CAMSAP2: variants seen among roughly 807,000 people sequenced by gnomAD.
CAMSAP2 encodes the protein calmodulin regulated spectrin associated protein family member 2, also known as calmodulin-regulated spectrin-associated protein 2.
A neutral mutation model predicts 146.1 loss-of-function variants in CAMSAP2; 26 were observed. The ratio of observed to expected loss-of-function variants is 0.18; its 90% confidence interval spans 0.13 to 0.25. The LOEUF (loss-of-function observed/expected upper bound fraction) is 0.25, where lower values mean the gene tolerates loss of function less well. Ranked by LOEUF, CAMSAP2 falls within the 10% of genes least tolerant of loss-of-function variation. CAMSAP2 has a pLI of 1.00. For synonymous variants in CAMSAP2, 499 were observed against 596.6 expected (o/e 0.84, Z 2.38); for missense variants, 1,381 against 1,759.3 (o/e 0.78, Z 3.85).
At chr1:200,770,785 A>G (rs1260450359) in intron 2 of CAMSAP2, among the ~76,000 whole-genome samples, 1 of 152,218 alleles carries the variant, frequency 6.6e-6, no homozygotes, top group Non-Finnish European at 1.5e-5. Flanking sequence ...GATAATAACC[A>G]GAGAAGGCAA....
intron 2 of CAMSAP2, among the ~76,000 whole-genome samples, chr1:200,791,125 G>A (rs947636261): frequency 2.5e-4 from 38 of 152,162 alleles, no homozygotes; most frequent in African/African-American, 8.9e-4. Context: ...GATTACAGGC[G>A]TGAGCCACTG....
chr1:200,740,772 A>T (rs1463049880), intron 1 of CAMSAP2, among the ~76,000 whole-genome samples: 1 of 152,200 alleles, frequency 6.6e-6, no homozygotes, highest in Admixed American at 6.5e-5. Context: ...TTTGCAAAAT[A>T]ACAGGAAAAG....
At chr1:200,815,919 G>A (rs1666470238) in intron 4 of CAMSAP2, among the ~76,000 whole-genome samples, 1 of 152,160 alleles carries the variant, frequency 6.6e-6, no homozygotes, top group South Asian at 2.1e-4. Flanking sequence ...TTGGTAAAAT[G>A]TGTAAAACAA....
rs200066254 is a variant in CAMSAP2, at chr1:200,850,246, A to T, written c.3465+12A>T. On this transcript the variant is annotated intron_variant, in intron 11 of 16. Transcript: ENST00000358823. ...GATTCTTTTTTAAGGTGTAGTATTAATCTGCATAGTTTTGGGCATCTTCAT... is the reference window on the plus strand; with the variant it reads ...GATTCTTTTTTAAGGTGTAGTATTATTCTGCATAGTTTTGGGCATCTTCAT... The T allele has an allele frequency of 1.3e-6, 2 of 1,544,228 alleles. No individual in the cohort carries two copies. The highest frequency in any genetic ancestry group is 4.5e-5 in the East Asian group (2 of 44,368).
At chr1:200,855,639 C>T (rs1171986004) in intron 14 of CAMSAP2, among the ~76,000 whole-genome samples, 2 of 151,904 alleles carry the variant, frequency 1.3e-5, no homozygotes, top group African/African-American at 2.4e-5. Context: ...CTCCATTGCC[C>T]AGGCTAGAGT....
At chr1:200,765,536 A>G (rs1368922250) in intron 2 of CAMSAP2, among the ~76,000 whole-genome samples, 1 of 152,010 alleles carries the variant, frequency 6.6e-6, no homozygotes, top group Non-Finnish European at 1.5e-5. Context: ...GCCATATGTT[A>G]TGTTCTATGT....
At chr1:200,833,632 A>G (rs967117812) in intron 6 of CAMSAP2, among the ~76,000 whole-genome samples, 1 of 152,218 alleles carries the variant, frequency 6.6e-6, no homozygotes, top group Non-Finnish European at 1.5e-5. Flanking sequence ...AGAATAAGCC[A>G]TTAAATGTTT....
At chr1:200,813,795 T>A (rs1352554753) in intron 3 of CAMSAP2, among the ~76,000 whole-genome samples, 3 of 152,046 alleles carry the variant, frequency 2.0e-5, no homozygotes, top group Non-Finnish European at 2.9e-5. Flanking sequence ...AAAGTGTTTG[T>A]TTTTTAACTT....
Position 200,857,611 on chromosome 1 carries a change from C to A in CAMSAP2, c.4132-143C>A. ...GGAAGCCTGCAGATTTTATTAAAGA[C>A]TAGCAATAGGCTTTAAGATTTGTCA... On this transcript the variant is annotated intron_variant, in intron 16 of 16. Transcript: ENST00000358823. The surrounding 1 kb of genome is among the most constrained non-coding windows in gnomAD (Gnocchi z 4.7). The A allele has an allele frequency of 1.2e-6, 1 of 851,482 alleles. No homozygotes were observed. Among genetic ancestry groups the A allele is most frequent in the Non-Finnish European group, 1.8e-6 (1 of 560,380 alleles). The allele number at this position is 851,482 out of a possible 1,614,324, so 52.7% of individuals were successfully genotyped here. A position where few individuals can be genotyped will look rare whatever the true frequency, so the allele number is the denominator to read the frequency against.
Position 200,856,103 on chromosome 1 carries a change from G to C in CAMSAP2, c.3990G>C (p.Val1330=). Residue 1330 remains valine, a synonymous_variant, in exon 15 of 17, where the codon GTG becomes GTC. Coordinates refer to ENST00000358823, the MANE Select transcript of CAMSAP2 (RefSeq NM_203459.4). ...DWENASTTSS[V]ASGTEYTGPK... ...AGAATGCATCAACAACTTCTTCAGT[G>C]GCTTCTGGAACAGAATATACAGGTT... 6.2e-7 allele frequency: 1 copy of C among 1,612,014 alleles called. No individual in the cohort carries two copies. Among genetic ancestry groups the C allele is most frequent in the Non-Finnish European group, 8.5e-7 (1 of 1,178,156 alleles).
At chr1:200,767,532 A>G (rs1664989474) in intron 2 of CAMSAP2, among the ~76,000 whole-genome samples, 1 of 145,478 alleles carries the variant, frequency 6.9e-6, no homozygotes, top group Non-Finnish European at 1.5e-5. Flanking sequence ...ATGCTTAGGA[A>G]TTTCCATTGT....
intron 1 of CAMSAP2, among the ~76,000 whole-genome samples, chr1:200,753,835 C>T (rs1420980897): frequency 6.6e-6 from 1 of 152,230 alleles, no homozygotes; most frequent in Non-Finnish European, 1.5e-5. Context: ...CCAGTTGTCT[C>T]TCTGTCAGCA....
chr1:200,822,169 C>CACACACGT (rs984194159), intron 4 of CAMSAP2, among the ~76,000 whole-genome samples: 2 of 151,282 alleles, frequency 1.3e-5, no homozygotes, highest in African/African-American at 4.9e-5. Context: ...CACACACACA[C>CACACACGT]ACACACGTAA....
In CAMSAP2 at chr1:200,738,940, A is replaced by AGCG. The variant is rs537301220; in HGVS notation, c.-873_-871dup. 6.0e-5 allele frequency among the ~76,000 whole-genome samples: 9 copies of AGCG among 149,012 alleles called. No individual in the cohort carries two copies. Among genetic ancestry groups the AGCG allele is most frequent in the Non-Finnish European group, 8.9e-5 (6 of 67,558 alleles). On this transcript the variant is annotated 5_prime_UTR_variant, in exon 1 of 17. Transcript: ENST00000358823. ...TCCAGTGCCGCAGCCGGAAAACCGC[A>AGCG]GCGGCGGCGGCGGCGGCTGAGGGGG... is the stretch of plus-strand genomic sequence containing the variant.
intron 4 of CAMSAP2, among the ~76,000 whole-genome samples, chr1:200,816,486 C>T (rs150282192): frequency 0.03 from 4,131 of 139,092 alleles, 173 homozygotes; most frequent in African/African-American, 0.094. Flanking sequence ...CCCAGCTACT[C>T]GGGAGACAGA....
chr1:200,807,447 A>G lies in CAMSAP2; in HGVS notation c.471A>G (p.Val157=), dbSNP rs144271144. The change falls in exon 3 of 17, where the codon GTA becomes GTG. Residue 157 remains valine (V), a synonymous_variant. Coordinates refer to ENST00000358823, the MANE Select transcript of CAMSAP2 (RefSeq NM_203459.4). The stretch of plus-strand genomic sequence containing the variant: ...TAGAAATGGTCAGTATAGAAAAAGT[A>G]ATTGCGTGTGCTCAGCAGTATTCAG... ...YTVEMVSIEK[V]IACAQQYSAF... The G allele has an allele frequency of 1.1e-5, 17 of 1,605,112 alleles. No homozygotes were observed. Among genetic ancestry groups the G allele is most frequent in the Non-Finnish European group, 1.4e-5 (17 of 1,174,088 alleles).
At chr1:200,751,910 C>T (rs1001563315) in intron 1 of CAMSAP2, among the ~76,000 whole-genome samples, 8 of 152,144 alleles carry the variant, frequency 5.3e-5, no homozygotes, top group Non-Finnish European at 7.3e-5. Flanking sequence ...AACTGAGCCT[C>T]AGTTGACTCA....
intron 1 of CAMSAP2, among the ~76,000 whole-genome samples, chr1:200,752,747 G>A (rs989053763): frequency 6.6e-6 from 1 of 151,866 alleles, no homozygotes; most frequent in African/African-American, 2.4e-5. Flanking sequence ...CTCCCAAGTA[G>A]CTGGGACTAC....
intron 2 of CAMSAP2, among the ~76,000 whole-genome samples, chr1:200,791,477 A>G (rs567775160): frequency 1.3e-5 from 2 of 152,196 alleles, no homozygotes. Flanking sequence ...TTTAGACTCC[A>G]TTTGTATAAC....
Sources: gnomAD v4.1 joint callset for allele counts (sites outside exome capture counted in the v4.1 genomes callset) on GRCh38, gnomAD v4.1.1 for gene constraint, Gnocchi (gnomAD v3.1) non-coding constraint, MANE v1.5 for transcripts, NCBI Gene and HGNC (gene_info 2026-07-23, HGNC 2026-07-21) for gene names.